The following ARMC10 variants were observed in gnomAD, a reference collection of about 807,000 sequenced individuals.
The protein encoded by ARMC10 is armadillo repeat-containing protein 10.
A neutral mutation model predicts 30.2 loss-of-function variants in ARMC10; 23 were observed. That is an observed-to-expected ratio of 0.76 (90% confidence interval 0.55 to 1.08). The LOEUF (loss-of-function observed/expected upper bound fraction) is 1.08. Ranked by LOEUF, ARMC10 falls within the 50% of genes least tolerant of loss-of-function variation. The pLI, the probability that ARMC10 is intolerant of heterozygous loss-of-function variation, is 0.00. For synonymous variants in ARMC10, 111 were observed against 164.4 expected (o/e 0.68, Z 2.48); for missense variants, 303 against 413.7 (o/e 0.73, Z 2.32).
intron 1 of ARMC10, 119 bp from the exon 2 acceptor site, chr7:103,075,658 C>A: frequency 3.3e-6 from 3 of 909,238 alleles, no homozygotes; most frequent in Non-Finnish European, 4.7e-6. Flanking sequence ...TTCTTAAAAA[C>A]CTGTTGATGG....
chr7:103,097,247 C>T, intron 5 of ARMC10, 30 bp from the exon 6 acceptor site: 1 of 1,581,856 alleles, frequency 6.3e-7, no homozygotes, highest in Non-Finnish European at 8.7e-7. Context: ...GCTTGCCAGT[C>T]TGAGATAAGC....
At chr7:103,081,833 G>A (rs2129520938) in intron 2 of ARMC10, 1 of 455,784 alleles carries the variant, frequency 2.2e-6, no homozygotes, top group East Asian at 6.9e-5. Context: ...GGGCTGTGTA[G>A]GAAACTCTGG....
At chr7:103,093,055 T>C (rs1801486432) in intron 5 of ARMC10, among the ~76,000 whole-genome samples, 1 of 152,166 alleles carries the variant, frequency 6.6e-6, no homozygotes, top group Non-Finnish European at 1.5e-5. Flanking sequence ...GTGAATTGAA[T>C]ATATGAAAGA....
rs773065649 is a variant in ARMC10, at chr7:103,098,554, T to C, written c.*1T>C. The C allele has an allele frequency of 2.6e-6, 4 of 1,548,572 alleles. No homozygotes were observed. Among genetic ancestry groups the C allele is most frequent in the Non-Finnish European group, 2.6e-6 (3 of 1,149,210 alleles). On this transcript the variant is annotated 3_prime_UTR_variant, in exon 7 of 7. Coordinates refer to ENST00000323716, the MANE Select transcript of ARMC10 (RefSeq NM_031905.5). ...TGTAACAATAATACCCAAAATCTGA[T>C]TGGTCATATTTTTCCAAAGAGTAAT...
intron 2 of ARMC10, among the ~76,000 whole-genome samples, chr7:103,079,041 A>T (rs1411278620): frequency 6.6e-6 from 1 of 152,124 alleles, no homozygotes; most frequent in Non-Finnish European, 1.5e-5. Context: ...TTTTGTACTA[A>T]CGTGGTTTGA....
chr7:103,080,046 A>T lies in ARMC10; in HGVS notation c.245-3636A>T, dbSNP rs559984867. ...ATTTCTCCTTGATTTACTGGAGGAG[A>T]CCACAAACCACCGAGCCTAAGATTC... On this transcript the variant is annotated intron_variant, in intron 2 of 6. Transcript: ENST00000323716. Among the ~76,000 whole-genome samples, 19 of 152,104 alleles carry T rather than the reference A, an allele frequency of 1.2e-4. No individual in the cohort carries two copies. The East Asian group carries it at 3.7e-3, about 29-fold the overall frequency.
intron 2 of ARMC10, among the ~76,000 whole-genome samples, chr7:103,082,270 A>G (rs1028383630): frequency 6.6e-6 from 1 of 152,120 alleles, no homozygotes; most frequent in African/African-American, 2.4e-5. Context: ...CACATATTAT[A>G]TATCACGTAC....
rs1419196379 is a variant in ARMC10, at chr7:103,092,545, A to C, written c.597A>C (p.Gly199=). 5.0e-6 allele frequency: 8 copies of C among 1,610,246 alleles called. No homozygotes were observed. ...TGAACTCTGCTGTGCAGCTGGCTGG[A>C]CTGACATTGTTGACAAACATGACTG... ...GPLNSAVQLA[G]LTLLTNMTVT... Residue 199 remains glycine, a synonymous_variant, in exon 5 of 7, where the codon GGA becomes GGC. Transcript: ENST00000323716.
intron 5 of ARMC10, among the ~76,000 whole-genome samples, chr7:103,094,670 C>T (rs777230471): frequency 2.0e-5 from 3 of 152,102 alleles, no homozygotes; most frequent in Admixed American, 2.0e-4. Context: ...TTTCCTAACA[C>T]TTATTCCTAG....
At chr7:103,087,339 G>A (rs1800948474) in intron 4 of ARMC10, among the ~76,000 whole-genome samples, 2 of 152,160 alleles carry the variant, frequency 1.3e-5, no homozygotes, top group East Asian at 3.8e-4. Flanking sequence ...CTTGTTGTAT[G>A]GGGAGAAATC....
At chr7:103,085,053 C>T (rs1160094765) in intron 3 of ARMC10, among the ~76,000 whole-genome samples, 1 of 152,148 alleles carries the variant, frequency 6.6e-6, no homozygotes, top group African/African-American at 2.4e-5. Flanking sequence ...GAAAGAGAGC[C>T]ACTAGACAAG....
chr7:103,098,053 C>T (rs1314735624), intron 6 of ARMC10, among the ~76,000 whole-genome samples: 1 of 152,070 alleles, frequency 6.6e-6, no homozygotes, highest in Non-Finnish European at 1.5e-5. Flanking sequence ...TGTATTTTTC[C>T]AGCTGAAACA....
At chr7:103,093,498 A>T (rs1801524565) in intron 5 of ARMC10, among the ~76,000 whole-genome samples, 1 of 152,226 alleles carries the variant, frequency 6.6e-6, no homozygotes, top group Non-Finnish European at 1.5e-5. Context: ...CCTCTTTTCC[A>T]ATAGCCAAAC....
intron 5 of ARMC10, among the ~76,000 whole-genome samples, chr7:103,095,439 C>T (rs4729878): frequency 0.88 from 133,496 of 152,256 alleles, 61,210 homozygotes; most frequent in East Asian, 1. Flanking sequence ...TATGTAAATA[C>T]GGGTAAATTT....
intron 2 of ARMC10, among the ~76,000 whole-genome samples, chr7:103,076,207 C>T (rs1799794584): frequency 6.6e-6 from 1 of 152,056 alleles, no homozygotes; most frequent in South Asian, 2.1e-4. Flanking sequence ...CAGATAGAAC[C>T]GATTTCATAT....
At position 103,075,346 on chromosome 7, in the gene ARMC10, A is replaced by G. The variant is rs1799603502; in HGVS notation, c.74A>G (p.Tyr25Cys). The G allele has an allele frequency of 7.9e-7, 1 of 1,265,058 alleles. No individual in the cohort carries two copies. Among genetic ancestry groups the G allele is most frequent in the Non-Finnish European group, 1.0e-6 (1 of 1,004,506 alleles). The allele number at this position is 1,265,058 out of a possible 1,614,324, so 78.4% of individuals were successfully genotyped here. A position where few individuals can be genotyped will look rare whatever the true frequency, so the allele number is the denominator to read the frequency against. The change falls in exon 1 of 7, where the codon TAC becomes TGC. Residue 25 changes from tyrosine to cysteine, a missense_variant. Coordinates refer to ENST00000323716, the MANE Select transcript of ARMC10 (RefSeq NM_031905.5). ...GGCGCGGGCGCCTGCTACTGCATTT[A>G]CAGGCTGACCCGGGGTCGGCGGCGG... ...LLGAGACYCI[Y>C]RLTRGRRRGD...
intron 2 of ARMC10, among the ~76,000 whole-genome samples, chr7:103,082,082 ATT>A (rs148702264): frequency 0.028 from 4,228 of 152,270 alleles, 102 homozygotes; most frequent in Non-Finnish European, 0.036. Flanking sequence ...TGTTTTTATC[ATT>A]CTTTCCTTTA....
chr7:103,086,001 CTTTT>C (rs370716064), intron 3 of ARMC10, among the ~76,000 whole-genome samples: 2 of 152,238 alleles, frequency 1.3e-5, no homozygotes, highest in East Asian at 3.9e-4. Context: ...AAAAATGACC[CTTTT>C]TTTGTGTTTA....
chr7:103,075,290 C>T lies in ARMC10; in HGVS notation c.18C>T (p.Gly6=), dbSNP rs1226572476. ...GCGGCAGCATGGGTGGCCCCCGGGG[C>T]GCGGGCTGGGTGGCGGCGGGCCTGC... MGGPR[G]AGWVAAGLLL... is the part of the protein sequence containing the mutation. Residue 6 remains glycine, a synonymous_variant, in exon 1 of 7, where the codon GGC becomes GGT. Transcript: ENST00000323716. 2.5e-6 allele frequency: 3 copies of T among 1,223,578 alleles called. No homozygotes were observed. The highest frequency in any genetic ancestry group is 2.0e-6 in the Non-Finnish European group (2 of 982,258). 75.8% of individuals were successfully genotyped at this position (1,223,578 alleles called of 1,614,324 possible).
Sources: gnomAD v4.1 joint callset for allele counts (sites outside exome capture counted in the v4.1 genomes callset) on GRCh38, gnomAD v4.1.1 for gene constraint, MANE v1.5 for transcripts, NCBI Gene and HGNC (gene_info 2026-07-23, HGNC 2026-07-21) for gene names.